SMAD3: variants seen among roughly 807,000 people sequenced by gnomAD.
The protein encoded by SMAD3 is MAD homolog 3.
A neutral mutation model predicts 51.8 loss-of-function variants in SMAD3; 12 were observed. The observed-to-expected ratio is 0.23, with a 90% CI of 0.15 to 0.38. SMAD3 has a LOEUF of 0.38. SMAD3 is among the 10% of genes least tolerant of loss of function. The pLI is 1.00. For missense variants in SMAD3, 294 were observed against 565.6 expected (o/e 0.52, Z 4.87); for synonymous variants, 238 against 227.7 (o/e 1.05, Z -0.41).
chr15:67,188,387 C>T (rs1489479374), intron 8 of SMAD3, among the ~76,000 whole-genome samples: 1 of 152,130 alleles, frequency 6.6e-6, no homozygotes, highest in Admixed American at 6.5e-5. Context: ...ACCCACCTGC[C>T]TCAGCCTCCC....
At position 67,085,868 on chromosome 15, in the gene SMAD3, GCACA is replaced by G. The variant is rs78357581; in HGVS notation, c.206+19537_206+19540del. Among the ~76,000 whole-genome samples the G allele has an allele frequency of 9.6e-4, 96 of 100,146 alleles. 1 individual carries two copies. Among genetic ancestry groups the G allele is most frequent in the South Asian group, 3.0e-3 (6 of 1,992 alleles). 65.7% of individuals were successfully genotyped at this position (100,146 alleles called of 152,430 possible). On this transcript the variant is annotated intron_variant, in intron 1 of 8. Coordinates refer to ENST00000327367, the MANE Select transcript of SMAD3 (RefSeq NM_005902.4). ...TAGTGGTTGGTCAAAAAAAAAGCGT[GCACA>G]CACACACACACACACACACACACAC...
rs146832947 is a variant in SMAD3, at chr15:67,117,004, A to G, written c.207-47891A>G. 4.0e-3 allele frequency among the ~76,000 whole-genome samples: 613 copies of G among 152,246 alleles called. 2 individuals carry two copies. The highest frequency in any genetic ancestry group is 0.014 in the African/African-American group (564 of 41,540). On this transcript the variant is annotated intron_variant, in intron 1 of 8. Transcript: ENST00000327367. ...TTCCTCCAGGAAGCCATTCTGGACT[A>G]CTTCACCCAGTTCTCATAGCTCCCG...
chr15:67,183,571 C>T (rs891818906), intron 6 of SMAD3, among the ~76,000 whole-genome samples: 1 of 152,108 alleles, frequency 6.6e-6, no homozygotes, highest in African/African-American at 2.4e-5. Flanking sequence ...AGGGGACATC[C>T]AGTGATGCAT....
At chr15:67,177,149 T>C (rs576480208) in intron 5 of SMAD3, among the ~76,000 whole-genome samples, 59 of 152,188 alleles carry the variant, frequency 3.9e-4, no homozygotes, top group Non-Finnish European at 8.2e-4. Context: ...AGATTTCTTT[T>C]AAGATTTAAT....
At chr15:67,079,838 G>T (rs1432802849) in intron 1 of SMAD3, among the ~76,000 whole-genome samples, 1 of 152,182 alleles carries the variant, frequency 6.6e-6, no homozygotes, top group African/African-American at 2.4e-5. Flanking sequence ...CATACAAAAA[G>T]CTATGACACT....
intron 6 of SMAD3, among the ~76,000 whole-genome samples, chr15:67,182,253 C>G (rs1963080472): frequency 6.6e-6 from 1 of 152,192 alleles, no homozygotes; most frequent in Non-Finnish European, 1.5e-5. Context: ...TACTGTGAAC[C>G]TTCTGCCTTC....
At chr15:67,088,953 G>T (rs190108069) in intron 1 of SMAD3, among the ~76,000 whole-genome samples, 90 of 152,218 alleles carry the variant, frequency 5.9e-4, no homozygotes, top group African/African-American at 2.0e-3. Context: ...TGGAGAGCAT[G>T]TGGGGTGGAT....
rs1963445965 is a variant in SMAD3, at chr15:67,194,315, A to T, written c.*3779A>T. ...TCAGCCGCTTCTCAAGTGGGTAGGG[A>T]AAGCAGAAAAACGTACGCAAGAGGA... On this transcript the variant is annotated 3_prime_UTR_variant, in exon 9 of 9. Coordinates refer to ENST00000327367, the MANE Select transcript of SMAD3 (RefSeq NM_005902.4). The T allele has an allele frequency of 8.6e-6, 2 of 233,252 alleles. No homozygotes were observed. Among genetic ancestry groups the T allele is most frequent in the Non-Finnish European group, 1.7e-5 (2 of 118,008 alleles). The allele number at this position is 233,252 out of a possible 1,614,324, so 14.4% of individuals were successfully genotyped here. A position where few individuals can be genotyped will look rare whatever the true frequency, so the allele number is the denominator to read the frequency against.
At chr15:67,154,388 A>G (rs554709842) in intron 1 of SMAD3, among the ~76,000 whole-genome samples, 4 of 152,218 alleles carry the variant, frequency 2.6e-5, no homozygotes, top group Non-Finnish European at 5.9e-5. Context: ...TCAGCTCTTC[A>G]TGTCCAATCT....
chr15:67,116,678 C>T (rs1595908533), intron 1 of SMAD3, among the ~76,000 whole-genome samples: 1 of 152,180 alleles, frequency 6.6e-6, no homozygotes, highest in Admixed American at 6.5e-5. Flanking sequence ...TCCTCAAAGC[C>T]TGTGGGACCT....
intron 1 of SMAD3, among the ~76,000 whole-genome samples, chr15:67,119,209 C>T (rs983433038): frequency 7.2e-5 from 11 of 152,124 alleles, no homozygotes; most frequent in African/African-American, 2.7e-4. Context: ...GTGACGAGAC[C>T]CTGCAGCAAG....
At chr15:67,104,142 C>G (rs556181048) in intron 1 of SMAD3, among the ~76,000 whole-genome samples, 2 of 152,220 alleles carry the variant, frequency 1.3e-5, no homozygotes, top group South Asian at 4.1e-4. Flanking sequence ...CGTCTGCCCC[C>G]CATCTCCGCC....
intron 1 of SMAD3, among the ~76,000 whole-genome samples, chr15:67,111,911 C>G (rs2140234827): frequency 6.6e-6 from 1 of 152,090 alleles, no homozygotes; most frequent in East Asian, 1.9e-4. Flanking sequence ...CCTCAGCCTC[C>G]TGAGTCACTG....
chr15:67,067,881 A>G (rs1048817446), intron 1 of SMAD3, among the ~76,000 whole-genome samples: 2 of 152,018 alleles, frequency 1.3e-5, no homozygotes, highest in East Asian at 3.9e-4. Context: ...ATTCTTCTGT[A>G]TTCCTTCCGT....
chr15:67,141,323 C>T (rs200845066), intron 1 of SMAD3, among the ~76,000 whole-genome samples: 1 of 152,222 alleles, frequency 6.6e-6, no homozygotes, highest in East Asian at 1.9e-4. Flanking sequence ...GCTGTGTCTT[C>T]CTCATGCAGG....
intron 5 of SMAD3, among the ~76,000 whole-genome samples, chr15:67,174,109 G>A (rs1010163425): frequency 1.1e-4 from 17 of 152,220 alleles, no homozygotes; most frequent in Non-Finnish European, 1.9e-4. Context: ...TTGAATGAGT[G>A]TGGAAAGCCT....
At chr15:67,175,941 A>G (rs2140307366) in intron 5 of SMAD3, among the ~76,000 whole-genome samples, 1 of 152,264 alleles carries the variant, frequency 6.6e-6, no homozygotes, top group Admixed American at 6.5e-5. Flanking sequence ...TTGTGAAATC[A>G]CAGGCAGGCA....
intron 3 of SMAD3, 40 bp downstream of exon 3, chr15:67,165,424 G>A (rs1262651137): frequency 6.2e-6 from 10 of 1,610,906 alleles, no homozygotes; most frequent in African/African-American, 1.3e-5. Context: ...GGGAGGCAGG[G>A]GCAGCGGTCA....
chr15:67,100,180 T>TAAAAA (rs34746545), intron 1 of SMAD3, among the ~76,000 whole-genome samples: 2 of 109,870 alleles, frequency 1.8e-5, no homozygotes, highest in African/African-American at 7.2e-5. Flanking sequence ...AAACTCCATC[T>TAAAAA]AAAAAAAAAA....
Sources: allele counts gnomAD v4.1 joint callset (sites outside exome capture counted in the v4.1 genomes callset), GRCh38; gene constraint gnomAD v4.1.1; transcripts MANE v1.5; gene names NCBI Gene and HGNC (gene_info 2026-07-23, HGNC 2026-07-21).